Variants in DIP2C observed in about 807,000 individuals in gnomAD.
DIP2C encodes DIP2 acetate--CoA ligase C (putative).
DIP2C carries 33 observed loss-of-function variants against 192.4 expected under a neutral mutation model. The ratio of observed to expected loss-of-function variants is 0.17; its 90% confidence interval spans 0.13 to 0.23. The LOEUF (loss-of-function observed/expected upper bound fraction) is 0.23. Ranked by LOEUF, DIP2C falls within the 10% of genes least tolerant of loss-of-function variation. The pLI is 1.00. For synonymous variants in DIP2C, 979 were observed against 864.1 expected (o/e 1.13, Z -2.33); for missense variants, 1,537 against 2,110.1 (o/e 0.73, Z 5.32).
intron 31 of DIP2C, among the ~76,000 whole-genome samples, chr10:310,572 C>T (rs1489234322): frequency 2.6e-5 from 4 of 152,282 alleles, no homozygotes; most frequent in South Asian, 4.1e-4. Context: ...CTTGCTCCTC[C>T]GGGCTCTGCT....
At chr10:531,666 G>A (rs543260456) in intron 1 of DIP2C, among the ~76,000 whole-genome samples, 2 of 152,262 alleles carry the variant, frequency 1.3e-5, no homozygotes, top group South Asian at 4.2e-4. Flanking sequence ...CTACAGTTGT[G>A]TGTAAGGAAT....
chr10:348,885 C>T (rs113747078), intron 25 of DIP2C, 123 bp from the exon 26 acceptor site: 2 of 1,396,076 alleles, frequency 1.4e-6, no homozygotes, highest in Non-Finnish European at 1.9e-6. Context: ...GAGCTTCTCA[C>T]AGCCTCCGTC....
chr10:408,215 T>G (rs1964947125), intron 9 of DIP2C, among the ~76,000 whole-genome samples: 1 of 150,422 alleles, frequency 6.6e-6, no homozygotes, highest in African/African-American at 2.5e-5. Context: ...CTTTCCCCGT[T>G]GAGTATCTTG....
intron 1 of DIP2C, among the ~76,000 whole-genome samples, chr10:670,359 CAT>C (rs1443746458): frequency 2.0e-5 from 3 of 152,138 alleles, no homozygotes; most frequent in Non-Finnish European, 4.4e-5. Flanking sequence ...CATACATACA[CAT>C]ACACACATGC....
rs147326449 is a variant in DIP2C at position 598,195 on chromosome 10, C to T, written c.85+91299G>A. On this transcript the variant is annotated intron_variant, in intron 1 of 36. Coordinates refer to ENST00000280886, the MANE Select transcript of DIP2C (RefSeq NM_014974.3). ...AGCACTCACTGGGGGAGGCCAAGGC[C>T]GGCACCGGCCACCACCAAGGGCCAC... Among the ~76,000 whole-genome samples, 342 of 152,268 alleles carry T rather than the reference C, an allele frequency of 2.2e-3. 4 individuals carry two copies. The highest frequency in any genetic ancestry group is 7.3e-3 in the African/African-American group (305 of 41,538).
intron 1 of DIP2C, among the ~76,000 whole-genome samples, chr10:580,083 A>G (rs902155494): frequency 6.6e-5 from 10 of 152,140 alleles, no homozygotes; most frequent in Admixed American, 3.9e-4. Flanking sequence ...TGCATATAGC[A>G]TACACATGCA....
At chr10:596,924 G>A (rs550952606) in intron 1 of DIP2C, among the ~76,000 whole-genome samples, 104 of 152,390 alleles carry the variant, frequency 6.8e-4, no homozygotes, top group African/African-American at 2.5e-3. Context: ...CGAACATGCA[G>A]ACATGAGGGC....
intron 34 of DIP2C, 115 bp from the exon 35 acceptor site, chr10:283,561 T>C: frequency 7.8e-7 from 1 of 1,276,308 alleles, no homozygotes; most frequent in Non-Finnish European, 1.1e-6. Context: ...AACGTTTCCT[T>C]GGACTGAATA....
chr10:503,993 A>G (rs1465089351), intron 1 of DIP2C, among the ~76,000 whole-genome samples: 1 of 152,182 alleles, frequency 6.6e-6, no homozygotes, highest in Non-Finnish European at 1.5e-5. Context: ...GATCACACTT[A>G]AAGTCAACTG....
chr10:390,061 A>G lies in DIP2C; in HGVS notation c.1527T>C (p.Gly509=), dbSNP rs999859025. Residue 509 remains glycine, a synonymous_variant, in exon 13 of 37, where the codon GGT becomes GGC. Coordinates refer to ENST00000280886, the MANE Select transcript of DIP2C (RefSeq NM_014974.3). ...GCAGCGCAGTCCTCGTCACCGTCAC[A>G]CCCAGCACACTGCCATCCTTACACG... ...YKTCKDGSVL[G]VTVTRTALLT... is the part of the protein sequence containing the mutation. 14 of 1,614,110 alleles carry G rather than the reference A, an allele frequency of 8.7e-6. No individual in the cohort carries two copies. The highest frequency in any genetic ancestry group is 1.2e-5 in the Non-Finnish European group (14 of 1,180,000).
chr10:679,399 G>A (rs1329533302), intron 1 of DIP2C, among the ~76,000 whole-genome samples: 1 of 21,150 alleles, frequency 4.7e-5, no homozygotes, highest in Non-Finnish European at 9.6e-5. Flanking sequence ...CCGCGCCCAT[G>A]CTCCCCACAC....
chr10:666,690 A>G lies in DIP2C; in HGVS notation c.85+22804T>C, dbSNP rs1421737282. 1 of 152,050 alleles carries G rather than the reference A, an allele frequency of 6.6e-6. No individual in the cohort carries two copies. The highest frequency in any genetic ancestry group is 1.9e-4 in the East Asian group (1 of 5,176). 9.4% of individuals were successfully genotyped at this position (152,050 alleles called of 1,614,324 possible). ...AAAGTTCAATAAACGTGGTGGCAGC[A>G]GCTGAACTGGCTACCACAGGACGCA... On this transcript the variant is annotated intron_variant, in intron 1 of 36. Transcript: ENST00000280886. The surrounding 1 kb of genome is among the most constrained non-coding windows in gnomAD (Gnocchi z 4.1).
intron 7 of DIP2C, among the ~76,000 whole-genome samples, chr10:415,558 C>A (rs1203910801): frequency 6.6e-6 from 1 of 152,152 alleles, no homozygotes; most frequent in African/African-American, 2.4e-5. Context: ...AAAATCAACT[C>A]CCACAGAGGA....
At chr10:395,927 C>CCT (rs1367740325) in intron 10 of DIP2C, among the ~76,000 whole-genome samples, 3 of 152,216 alleles carry the variant, frequency 2.0e-5, no homozygotes, top group Non-Finnish European at 4.4e-5. Flanking sequence ...TGCTATGCTC[C>CCT]CTGCCCTCGG....
In DIP2C at chr10:415,685, A is replaced by C; in HGVS notation, c.859+84T>G. On this transcript the variant is annotated intron_variant, in intron 7 of 36. Transcript: ENST00000280886. ...GCCACGATTACTGCTCTTAAAAAGT[A>C]AAATAGCCTTGCAGAAAAAAATATC... 3 of 1,556,750 alleles carry C rather than the reference A, an allele frequency of 1.9e-6. No homozygotes were observed. In the South Asian group the frequency reaches 3.6e-5, roughly 19 times the overall value.
At chr10:323,265 C>T (rs1400375195) in intron 31 of DIP2C, among the ~76,000 whole-genome samples, 13 of 59,188 alleles carry the variant, frequency 2.2e-4, no homozygotes, top group Non-Finnish European at 4.0e-4. Flanking sequence ...GGCGAGAGAC[C>T]GGCGTTGTTA....
chr10:332,125 C>T (rs1393396389), intron 29 of DIP2C, among the ~76,000 whole-genome samples: 1 of 152,000 alleles, frequency 6.6e-6, no homozygotes, highest in Non-Finnish European at 1.5e-5. Context: ...TAACTTAAAA[C>T]TTTTTTTGTG....
intron 1 of DIP2C, among the ~76,000 whole-genome samples, chr10:580,947 A>G (rs933665302): frequency 2.6e-5 from 4 of 152,180 alleles, no homozygotes; most frequent in African/African-American, 9.7e-5. Flanking sequence ...GTGTGTCCTC[A>G]TGTTTTGGCG....
At chr10:615,301 G>A (rs1173690816) in intron 1 of DIP2C, among the ~76,000 whole-genome samples, 1 of 152,174 alleles carries the variant, frequency 6.6e-6, no homozygotes, top group Non-Finnish European at 1.5e-5. Context: ...GGTGGCTGAT[G>A]TTATCAAATC....
Sources: gnomAD v4.1 joint callset for allele counts (sites outside exome capture counted in the v4.1 genomes callset) on GRCh38, gnomAD v4.1.1 for gene constraint, Gnocchi (gnomAD v3.1) non-coding constraint, MANE v1.5 for transcripts, NCBI Gene and HGNC (gene_info 2026-07-23, HGNC 2026-07-21) for gene names.